The following CEP350 variants were observed in gnomAD, a reference collection of about 807,000 sequenced individuals.
CEP350 encodes the protein centrosomal protein 350.
In CEP350, 126 loss-of-function variants were observed where a neutral mutation model predicts 331.8. The observed-to-expected ratio is 0.38, with a 90% CI of 0.33 to 0.44. The LOEUF (loss-of-function observed/expected upper bound fraction) is 0.44, where lower values mean the gene tolerates loss of function less well. CEP350 is among the 20% of genes least tolerant of loss of function. The pLI is 1.00. For missense variants in CEP350, 3,406 were observed against 3,634.6 expected, an observed-to-expected ratio of 0.94 and a Z score of 1.62; for synonymous variants, 1,200 against 1,259.5, an observed-to-expected ratio of 0.95 and a Z score of 1.00.
rs915489785 is a variant in CEP350, at chr1:180,009,103, G to A, written c.1246+2536G>A. ...TGGCTCACTGTAATCTCCGCCTCCT[G>A]GATTCAAGTGATTCTCATGCCTCAG... On this transcript the variant is annotated intron_variant, in intron 8 of 37. Coordinates refer to ENST00000367607, the MANE Select transcript of CEP350 (RefSeq NM_014810.5). 2.6e-5 allele frequency among the ~76,000 whole-genome samples: 4 copies of A among 152,298 alleles called. No homozygotes were observed. In the South Asian group the frequency reaches 6.2e-4, roughly 24 times the overall value.
intron 6 of CEP350, among the ~76,000 whole-genome samples, chr1:179,998,657 G>A (rs1211804756): frequency 6.6e-6 from 1 of 151,800 alleles, no homozygotes; most frequent in African/African-American, 2.4e-5. Context: ...CTTTTTTATT[G>A]TAATCAGTTT....
At chr1:179,975,391 T>C (rs1651783990) in intron 1 of CEP350, among the ~76,000 whole-genome samples, 1 of 152,194 alleles carries the variant, frequency 6.6e-6, no homozygotes, top group African/African-American at 2.4e-5. Flanking sequence ...GGTTCTGTTT[T>C]AGAACGATAA....
intron 37 of CEP350, among the ~76,000 whole-genome samples, chr1:180,107,216 T>C (rs1661194287): frequency 1.3e-5 from 2 of 152,180 alleles, no homozygotes; most frequent in Non-Finnish European, 2.9e-5. Context: ...AATGGCCCTT[T>C]AAGAGCTCAC....
intron 25 of CEP350, among the ~76,000 whole-genome samples, chr1:180,057,006 G>A (rs536485577): frequency 2.0e-5 from 3 of 151,762 alleles, no homozygotes; most frequent in South Asian, 2.1e-4. Context: ...TTCTTAATTC[G>A]ATTTGTTTTC....
At chr1:180,005,133 C>T (rs1349353973) in intron 7 of CEP350, among the ~76,000 whole-genome samples, 1 of 151,322 alleles carries the variant, frequency 6.6e-6, no homozygotes, top group Admixed American at 6.6e-5. Flanking sequence ...AGTCTCAGGG[C>T]TTTAAATGTT....
At position 180,093,357 on chromosome 1, in the gene CEP350, C is replaced by T; in HGVS notation, c.7252C>T (p.Pro2418Ser). 1 of 1,600,400 alleles carries T rather than the reference C, an allele frequency of 6.2e-7. No homozygotes were observed. The highest frequency in any genetic ancestry group is 8.5e-7 in the Non-Finnish European group (1 of 1,173,238). The stretch of plus-strand genomic sequence containing the variant: ...TCAGTCTTGCAGAGATAAGCCACAG[C>T]CAATGAGGAGCTCTACAAGTGGAGC... Reference protein sequence around the residue: ...DSQSCRDKPQPMRSSTSGATS... With the variant: ...DSQSCRDKPQSMRSSTSGATS... Residue 2418 changes from proline (P) to serine (S), a missense_variant, in exon 34 of 38, where the codon CCA becomes TCA. Physicochemically the swap from Pro to Ser is moderately conservative, Grantham distance 74 (BLOSUM62 -1). Transcript: ENST00000367607.
intron 37 of CEP350, among the ~76,000 whole-genome samples, chr1:180,107,999 GA>G (rs199692090): frequency 6.6e-6 from 1 of 151,630 alleles, no homozygotes; most frequent in Non-Finnish European, 1.5e-5. Flanking sequence ...AGATCAGAAG[GA>G]AAAAAAATAG....
Position 180,084,049 on chromosome 1 carries a change from T to C in CEP350, c.6156T>C (p.Gly2052=), listed in dbSNP as rs1365293276. ...CATCTGACCAGAGTGATATTGAAGG[T>C]AGGATCAGAGCTCTGAAGGATGAGT... ...ETTSDQSDIE[G]RIRALKDELR... The change falls in exon 31 of 38, where the codon GGT becomes GGC. Residue 2052 remains glycine, a synonymous_variant. Coordinates refer to ENST00000367607, the MANE Select transcript of CEP350 (RefSeq NM_014810.5). The C allele has an allele frequency of 6.3e-7, 1 of 1,592,660 alleles. No homozygotes were observed.
intron 25 of CEP350, among the ~76,000 whole-genome samples, chr1:180,056,514 G>C (rs1164569462): frequency 8.5e-6 from 1 of 118,336 alleles, no homozygotes; most frequent in Non-Finnish European, 1.6e-5. Context: ...CTGTTTCCCA[G>C]GCTGGAGTAC....
chr1:179,997,812 A>C (rs1261285690), intron 6 of CEP350, among the ~76,000 whole-genome samples: 1 of 152,216 alleles, frequency 6.6e-6, no homozygotes, highest in Admixed American at 6.5e-5. Context: ...TTATTTCAAA[A>C]GTAATATTTA....
intron 3 of CEP350, among the ~76,000 whole-genome samples, chr1:179,987,512 GTAT>G (rs949607726): frequency 1.4e-5 from 2 of 146,864 alleles, no homozygotes; most frequent in African/African-American, 5.0e-5. Context: ...TAATATTATA[GTAT>G]TATCATATAT....
At chr1:180,049,335 G>T (rs1657333074) in intron 22 of CEP350, among the ~76,000 whole-genome samples, 1 of 152,108 alleles carries the variant, frequency 6.6e-6, no homozygotes, top group Non-Finnish European at 1.5e-5. Flanking sequence ...CTTTACCATG[G>T]TGCCTGTCTT....
rs1009988605 is a variant in CEP350, at chr1:179,954,956, G to T, written c.-200G>T. 9.0e-7 allele frequency: 1 copy of T among 1,113,084 alleles called. No individual in the cohort carries two copies. Among genetic ancestry groups the T allele is most frequent in the Non-Finnish European group, 1.2e-6 (1 of 850,104 alleles). The allele number at this position is 1,113,084 out of a possible 1,614,324, so 69.0% of individuals were successfully genotyped here. ...CTGAGGGAGGGGAGGCAGCCTTTCC[G>T]CCTTGTCTTCCTTCCCAGCGGACCG... On this transcript the variant is annotated 5_prime_UTR_variant, in exon 1 of 38. Coordinates refer to ENST00000367607, the MANE Select transcript of CEP350 (RefSeq NM_014810.5).
At chr1:180,061,771 A>C (rs1658245116) in intron 25 of CEP350, among the ~76,000 whole-genome samples, 1 of 152,200 alleles carries the variant, frequency 6.6e-6, no homozygotes, top group African/African-American at 2.4e-5. Flanking sequence ...AATCTCTCCT[A>C]AAGAATTAAT....
At chr1:180,041,433 A>G (rs1368651190) in intron 18 of CEP350, among the ~76,000 whole-genome samples, 185 bp downstream of exon 18, 1 of 152,220 alleles carries the variant, frequency 6.6e-6, no homozygotes, top group East Asian at 1.9e-4. Context: ...TAAATTGTCA[A>G]GACTCATTTC....
At position 180,113,165 on chromosome 1, in the gene CEP350, A is replaced by G. The variant is rs565438333; in HGVS notation, c.*2004A>G. 6.5e-6 allele frequency: 1 copy of G among 152,748 alleles called. No individual in the cohort carries two copies. Among genetic ancestry groups the G allele is most frequent in the South Asian group, 2.1e-4 (1 of 4,830 alleles). The allele number at this position is 152,748 out of a possible 1,614,324, so 9.5% of individuals were successfully genotyped here. ...CTTTTCAGTTTGTGTTATTTGGAAG[A>G]CAGAAAAACATCTTGTCTACATCCT... On this transcript the variant is annotated 3_prime_UTR_variant, in exon 38 of 38. Transcript: ENST00000367607.
intron 1 of CEP350, among the ~76,000 whole-genome samples, chr1:179,969,980 T>C (rs969239898): frequency 6.6e-6 from 1 of 152,212 alleles, no homozygotes; most frequent in Non-Finnish European, 1.5e-5. Context: ...GATATATTCC[T>C]TGAAATTAAT....
intron 33 of CEP350, among the ~76,000 whole-genome samples, chr1:180,092,001 AC>A (rs1366213433): frequency 1.3e-5 from 2 of 151,080 alleles, no homozygotes; most frequent in South Asian, 4.2e-4. Context: ...GGGAGCTGTG[AC>A]CACTGCACTC....
intron 22 of CEP350, among the ~76,000 whole-genome samples, chr1:180,049,777 C>T (rs1462604751): frequency 3.9e-5 from 6 of 152,058 alleles, no homozygotes; most frequent in African/African-American, 9.7e-5. Context: ...CTCCTGACCT[C>T]GTGATCCGCC....
Sources: gnomAD v4.1 joint callset for allele counts (sites outside exome capture counted in the v4.1 genomes callset) on GRCh38, gnomAD v4.1.1 for gene constraint, MANE v1.5 for transcripts, NCBI Gene and HGNC (gene_info 2026-07-23, HGNC 2026-07-21) for gene names.